Variants in PLXNA4 observed in about 807,000 individuals in gnomAD.
PLXNA4 encodes plexin-A4.
Under a neutral mutation model 191.8 loss-of-function variants are expected in PLXNA4, and 44 were observed. The observed-to-expected ratio is 0.23, with a 90% CI of 0.18 to 0.29. The LOEUF (loss-of-function observed/expected upper bound fraction) is 0.29. PLXNA4 is among the 10% of genes least tolerant of loss of function. PLXNA4 has a pLI of 1.00. For synonymous variants in PLXNA4, 1,082 were observed against 1,009.5 expected (o/e 1.07, Z -1.36); for missense variants, 1,800 against 2,488.8 (o/e 0.72, Z 5.89).
intron 2 of PLXNA4, among the ~76,000 whole-genome samples, chr7:132,617,658 C>A (rs1219143394): frequency 6.6e-6 from 1 of 152,170 alleles, no homozygotes; most frequent in Non-Finnish European, 1.5e-5. Context: ...AAAACACTGA[C>A]AACCCATTTC....
intron 3 of PLXNA4, among the ~76,000 whole-genome samples, chr7:132,413,193 G>A (rs749840778): frequency 5.3e-5 from 8 of 152,122 alleles, no homozygotes; most frequent in African/African-American, 7.2e-5. Context: ...AGACCCAATC[G>A]TACTGGAACA....
chr7:132,279,383 C>T (rs184016341), intron 4 of PLXNA4, among the ~76,000 whole-genome samples: 3 of 152,150 alleles, frequency 2.0e-5, no homozygotes, highest in African/African-American at 7.2e-5. Flanking sequence ...GGCTCACACA[C>T]TTTGGGATGC....
At chr7:132,536,980 C>T (rs1799865287) in intron 1 of PLXNA4, among the ~76,000 whole-genome samples, 1 of 152,212 alleles carries the variant, frequency 6.6e-6, no homozygotes, top group African/African-American at 2.4e-5. Flanking sequence ...CTCCCAGGAG[C>T]ATTAGGCTGA....
At chr7:132,235,440 T>A (rs1306357944) in intron 5 of PLXNA4, among the ~76,000 whole-genome samples, 1 of 152,210 alleles carries the variant, frequency 6.6e-6, no homozygotes, top group East Asian at 1.9e-4. Flanking sequence ...CCACTTGCCA[T>A]CTTGGAAGAA....
intron 3 of PLXNA4, among the ~76,000 whole-genome samples, chr7:132,334,506 C>T (rs1459019517): frequency 2.0e-5 from 3 of 152,080 alleles, no homozygotes; most frequent in African/African-American, 7.2e-5. Context: ...GACCTTCCCT[C>T]CTCATCCTCC....
rs555206086 is a variant in PLXNA4 at position 132,385,067 on chromosome 7, G to T, written c.1372-86845C>A. On this transcript the variant is annotated intron_variant, in intron 3 of 31. Coordinates refer to ENST00000321063, the MANE Select transcript of PLXNA4 (RefSeq NM_020911.2). ...TTTCCCTAAGGACTTGGGGTGGCAGGACATGAGCTATGATGTATGGCTGGG... is the reference window on the plus strand; with the variant it reads ...TTTCCCTAAGGACTTGGGGTGGCAGTACATGAGCTATGATGTATGGCTGGG... The T allele has an allele frequency of 1.9e-5, 29 of 1,514,966 alleles. No homozygotes were observed. The South Asian group carries it at 3.5e-4, about 18-fold the overall frequency. The allele number at this position is 1,514,966 out of a possible 1,614,324, so 93.8% of individuals were successfully genotyped here.
chr7:132,420,323 G>A (rs1349259533), intron 3 of PLXNA4, among the ~76,000 whole-genome samples: 1 of 152,218 alleles, frequency 6.6e-6, no homozygotes, highest in Non-Finnish European at 1.5e-5. Context: ...ATGGGACTGT[G>A]ATCCAGTAGA....
chr7:132,427,751 T>G (rs1795102828), intron 3 of PLXNA4, among the ~76,000 whole-genome samples: 1 of 152,232 alleles, frequency 6.6e-6, no homozygotes, highest in Non-Finnish European at 1.5e-5. Flanking sequence ...CCTATTCTCC[T>G]GCCCGATGCC....
intron 2 of PLXNA4, among the ~76,000 whole-genome samples, chr7:132,498,771 G>A (rs1334997700): frequency 1.3e-5 from 2 of 152,168 alleles, no homozygotes; most frequent in Non-Finnish European, 2.9e-5. Context: ...ATCTCAAAAA[G>A]GAGGAGAGCA....
chr7:132,409,625 G>A (rs1794368550), intron 3 of PLXNA4, among the ~76,000 whole-genome samples: 1 of 152,164 alleles, frequency 6.6e-6, no homozygotes, highest in South Asian at 2.1e-4. Flanking sequence ...CTCTTTCAAG[G>A]TGGAATTCCA....
chr7:132,468,272 T>C (rs1796785431), intron 3 of PLXNA4, among the ~76,000 whole-genome samples: 1 of 151,872 alleles, frequency 6.6e-6, no homozygotes, highest in Admixed American at 6.6e-5. Flanking sequence ...CACAGACAGA[T>C]GGTATTGTTG....
At position 132,170,772 on chromosome 7, in the gene PLXNA4, C is replaced by T. The variant is rs143528044; in HGVS notation, c.4018-2200G>A. ...CTGTCATTGAAACCTCCAACTAGCC[C>T]GTCATCAGTAGCTCCTATGGGTCTG... is the stretch of plus-strand genomic sequence containing the variant. On this transcript the variant is annotated intron_variant, in intron 21 of 31. Coordinates refer to ENST00000321063, the MANE Select transcript of PLXNA4 (RefSeq NM_020911.2). Among the ~76,000 whole-genome samples, 186 of 152,346 alleles carry T rather than the reference C, an allele frequency of 1.2e-3. 4 individuals are homozygous for T. The East Asian group carries it at 0.033, about 27-fold the overall frequency.
At chr7:132,356,495 A>G (rs975663571) in intron 3 of PLXNA4, among the ~76,000 whole-genome samples, 1 of 152,210 alleles carries the variant, frequency 6.6e-6, no homozygotes, top group African/African-American at 2.4e-5. Flanking sequence ...TCCTGTGCTG[A>G]AAAAACAGCG....
At chr7:132,365,498 A>G (rs1804141509) in intron 3 of PLXNA4, among the ~76,000 whole-genome samples, 1 of 152,194 alleles carries the variant, frequency 6.6e-6, no homozygotes, top group African/African-American at 2.4e-5. Context: ...CATCTCTAAA[A>G]TAAAAGTTGT....
At position 132,439,297 on chromosome 7, in the gene PLXNA4, G is replaced by T. The variant is rs547524349; in HGVS notation, c.1371+49995C>A. ...CCGGCCAATGAAGCCATCCCTGGGG[G>T]TCTCTGAAAATTCTCCAGGCTATCT... On this transcript the variant is annotated intron_variant, in intron 3 of 31. Coordinates refer to ENST00000321063, the MANE Select transcript of PLXNA4 (RefSeq NM_020911.2). Among the ~76,000 whole-genome samples the T allele has an allele frequency of 3.9e-5, 6 of 152,272 alleles. No individual in the cohort carries two copies. In the South Asian group the frequency reaches 1.0e-3, roughly 26 times the overall value.
intron 3 of PLXNA4, among the ~76,000 whole-genome samples, chr7:132,316,799 TCACAAGAAAAGTA>T (rs751915712): frequency 6.2e-4 from 95 of 152,238 alleles, no homozygotes; most frequent in Non-Finnish European, 9.8e-4. Flanking sequence ...GACTGGGGTC[TCACAAGAAAAGTA>T]CACAATTTAG....
chr7:132,506,704 G>A (rs559560142), intron 2 of PLXNA4, among the ~76,000 whole-genome samples: 3 of 152,286 alleles, frequency 2.0e-5, no homozygotes, highest in South Asian at 4.1e-4. Flanking sequence ...TTCACCTGGG[G>A]TAACCCAGCA....
At chr7:132,256,974 C>T (rs1425041916) in intron 4 of PLXNA4, among the ~76,000 whole-genome samples, 3 of 152,206 alleles carry the variant, frequency 2.0e-5, no homozygotes, top group African/African-American at 7.2e-5. Context: ...TTGCCTATGA[C>T]CACATTCTGG....
At chr7:132,484,690 T>C in intron 3 of PLXNA4, 1 of 1,443,108 alleles carries the variant, frequency 6.9e-7, no homozygotes, top group Non-Finnish European at 9.3e-7. Context: ...CACATGTTCC[T>C]AGTCTATTTG....
Sources: allele counts gnomAD v4.1 joint callset (sites outside exome capture counted in the v4.1 genomes callset), GRCh38; gene constraint gnomAD v4.1.1; transcripts MANE v1.5; gene names NCBI Gene and HGNC (gene_info 2026-07-23, HGNC 2026-07-21).